Variants in RIMBP2 observed in about 807,000 individuals in gnomAD.
The protein encoded by RIMBP2 is RIMS binding protein 2.
RIMBP2 carries 48 observed loss-of-function variants against 118.6 expected under a neutral mutation model. The ratio of observed to expected loss-of-function variants is 0.40; its 90% CI spans 0.32 to 0.51. RIMBP2 has a LOEUF of 0.51. Ranked by LOEUF, RIMBP2 falls within the 20% of genes least tolerant of loss-of-function variation. RIMBP2 has a pLI of 0.41. For synonymous variants in RIMBP2, 762 were observed against 742.9 expected, an observed-to-expected ratio of 1.03 and a Z score of -0.42; for missense variants, 1,551 against 1,768.3, an observed-to-expected ratio of 0.88 and a Z score of 2.20.
chr12:130,569,122 A>T (rs1178409941), intron 2 of RIMBP2, among the ~76,000 whole-genome samples: 1 of 152,090 alleles, frequency 6.6e-6, no homozygotes, highest in African/African-American at 2.4e-5. Context: ...CAGACTGGGA[A>T]CACCTACTAG....
At chr12:130,561,091 C>T (rs898056641) in intron 2 of RIMBP2, among the ~76,000 whole-genome samples, 11 of 152,154 alleles carry the variant, frequency 7.2e-5, no homozygotes, top group African/African-American at 2.7e-4. Context: ...CTTCTGCACG[C>T]CAAGGAGCCC....
At chr12:130,636,229 C>T (rs534940337) in intron 1 of RIMBP2, among the ~76,000 whole-genome samples, 1 of 152,278 alleles carries the variant, frequency 6.6e-6, no homozygotes, top group Admixed American at 6.5e-5. Context: ...TGTCACTTCG[C>T]CCAGGAAGCC....
intron 1 of RIMBP2, among the ~76,000 whole-genome samples, chr12:130,661,444 G>A (rs1164187873): frequency 2.7e-5 from 4 of 149,132 alleles, no homozygotes; most frequent in Admixed American, 1.3e-4. Flanking sequence ...TGAGCCATTG[G>A]CTGAGAAGTG....
At chr12:130,627,412 C>T (rs2061711260) in intron 2 of RIMBP2, among the ~76,000 whole-genome samples, 1 of 152,210 alleles carries the variant, frequency 6.6e-6, no homozygotes, top group African/African-American at 2.4e-5. Context: ...GAACTATTGC[C>T]CTGAGTTCAG....
Position 130,517,569 on chromosome 12 carries a change from T to C in RIMBP2, c.-127+259A>G, listed in dbSNP as rs951625161. ...GTTTGGGAGAGTGGGCACCAATGGG[T>C]TTGTTCTGCCTTGCTGTTAAAGATA... On this transcript the variant is annotated intron_variant, in intron 3 of 22. Coordinates refer to ENST00000690449, the MANE Select transcript of RIMBP2 (RefSeq NM_001393629.1). 8.6e-5 allele frequency among the ~76,000 whole-genome samples: 13 copies of C among 151,630 alleles called. No individual in the cohort carries two copies. In the South Asian group the frequency reaches 2.7e-3, roughly 32 times the overall value.
At chr12:130,595,328 A>G in intron 2 of RIMBP2, among the ~76,000 whole-genome samples, 1 of 152,108 alleles carries the variant, frequency 6.6e-6, no homozygotes, top group East Asian at 1.9e-4. Context: ...GGAGGCCGAG[A>G]TGGGCGGACT....
At chr12:130,589,303 C>T (rs764764167) in intron 2 of RIMBP2, among the ~76,000 whole-genome samples, 9 of 152,250 alleles carry the variant, frequency 5.9e-5, no homozygotes, top group Admixed American at 1.3e-4. Context: ...ATACAACACA[C>T]GCTTTGTTCT....
Position 130,710,970 on chromosome 12 carries a change from C to T in RIMBP2, c.-352+5252G>A, listed in dbSNP as rs1185198931. Among the ~76,000 whole-genome samples, 3 of 152,350 alleles carry T rather than the reference C, an allele frequency of 2.0e-5. No individual in the cohort carries two copies. Among genetic ancestry groups the T allele is most frequent in the Admixed American group, 2.0e-4 (3 of 15,314 alleles). ...TAAGAAGAGGCTATCTGACCAGGCA[C>T]AGTGGCTCATGCCTGTAATCCTAGC... On this transcript the variant is annotated intron_variant, in intron 1 of 22. Transcript: ENST00000690449. The surrounding 1 kb of genome is among the most constrained non-coding windows in gnomAD (Gnocchi z 4.3).
At chr12:130,598,854 G>A (rs1014687977) in intron 2 of RIMBP2, among the ~76,000 whole-genome samples, 3 of 151,986 alleles carry the variant, frequency 2.0e-5, no homozygotes, top group Non-Finnish European at 2.9e-5. Context: ...CCCATAAATA[G>A]ACCCACAAAT....
At chr12:130,452,577 A>G (rs11060895) in intron 7 of RIMBP2, among the ~76,000 whole-genome samples, 19,296 of 152,328 alleles carry the variant, frequency 0.13, 1,245 homozygotes, top group Middle Eastern at 0.16. Context: ...CTCCCCTTCC[A>G]ACTGGCATTG....
chr12:130,534,471 C>A (rs570587462), intron 2 of RIMBP2, among the ~76,000 whole-genome samples: 1 of 152,226 alleles, frequency 6.6e-6, no homozygotes, highest in South Asian at 2.1e-4. Context: ...AAAAAAAATT[C>A]TGGTTATGCT....
intron 4 of RIMBP2, among the ~76,000 whole-genome samples, chr12:130,486,292 C>A (rs1442496654): frequency 4.6e-5 from 7 of 152,112 alleles, no homozygotes; most frequent in Non-Finnish European, 1.5e-5. Flanking sequence ...GGACTCTGGC[C>A]CCCGTGGGGC....
intron 1 of RIMBP2, among the ~76,000 whole-genome samples, chr12:130,634,311 A>G (rs1421266075): frequency 6.6e-6 from 1 of 152,226 alleles, no homozygotes; most frequent in East Asian, 1.9e-4. Context: ...AGTGTTGGGA[A>G]GGAATCTGAA....
intron 2 of RIMBP2, among the ~76,000 whole-genome samples, chr12:130,558,360 T>C (rs556093337): frequency 3.9e-5 from 6 of 152,254 alleles, no homozygotes; most frequent in African/African-American, 1.4e-4. Flanking sequence ...TATTTTATGA[T>C]CACCAACAGA....
Position 130,617,006 on chromosome 12 carries a change from C to T in RIMBP2, c.-217+11316G>A, listed in dbSNP as rs2060986072. Among the ~76,000 whole-genome samples, 3 of 152,238 alleles carry T rather than the reference C, an allele frequency of 2.0e-5. No individual in the cohort carries two copies. The South Asian group carries it at 6.2e-4, about 32-fold the overall frequency. ...GAAGTTGGGGTGCAGGGGCCCCCCT[C>T]CTCCTCTGCAGAGGCCCCCATGTCC... On this transcript the variant is annotated intron_variant, in intron 2 of 22. Coordinates refer to ENST00000690449, the MANE Select transcript of RIMBP2 (RefSeq NM_001393629.1). The surrounding 1 kb of genome is among the most constrained non-coding windows in gnomAD (Gnocchi z 4.6).
chr12:130,500,601 T>C (rs2049662005), intron 4 of RIMBP2, among the ~76,000 whole-genome samples: 1 of 147,358 alleles, frequency 6.8e-6, no homozygotes, highest in South Asian at 2.2e-4. Context: ...TCAGTGATAT[T>C]TGGAAACAAA....
intron 2 of RIMBP2, among the ~76,000 whole-genome samples, chr12:130,542,338 T>C (rs556933120): frequency 2.2e-4 from 33 of 152,290 alleles, no homozygotes; most frequent in South Asian, 1.5e-3. Flanking sequence ...CCCCTACATA[T>C]GCACATTTTC....
intron 14 of RIMBP2, chr12:130,429,776 G>C (rs1019868070): frequency 6.6e-6 from 1 of 152,212 alleles, no homozygotes; most frequent in Non-Finnish European, 1.5e-5. Context: ...CCAAGCCCGT[G>C]AGAGGGAGGA....
intron 19 of RIMBP2, 54 bp from the exon 20 acceptor site, chr12:130,407,883 G>GC: frequency 1.3e-6 from 2 of 1,517,664 alleles, no homozygotes; most frequent in South Asian, 2.2e-5. Flanking sequence ...TTCAAACTTA[G>GC]CGGTGTTCCC....
Sources: gnomAD v4.1 joint callset for allele counts (sites outside exome capture counted in the v4.1 genomes callset) on GRCh38, gnomAD v4.1.1 for gene constraint, Gnocchi (gnomAD v3.1) non-coding constraint, MANE v1.5 for transcripts, NCBI Gene and HGNC (gene_info 2026-07-23, HGNC 2026-07-21) for gene names.